MSI2: variants seen among roughly 807,000 people sequenced by gnomAD.
The protein encoded by MSI2 is musashi RNA binding protein 2.
MSI2 carries 17 observed loss-of-function variants against 45.6 expected under a neutral mutation model. The ratio of observed to expected loss-of-function variants is 0.37; its 90% CI spans 0.26 to 0.56. The LOEUF (loss-of-function observed/expected upper bound fraction) is 0.56, where lower values mean the gene tolerates loss of function less well. Ranked by LOEUF, MSI2 falls within the 20% of genes least tolerant of loss-of-function variation. MSI2 has a pLI of 0.77. For synonymous variants in MSI2, 156 were observed against 158.2 expected (o/e 0.99, Z 0.11); for missense variants, 293 against 444.2 (o/e 0.66, Z 3.06).
At chr17:57,570,239 T>G (rs975540955) in intron 7 of MSI2, among the ~76,000 whole-genome samples, 1 of 152,290 alleles carries the variant, frequency 6.6e-6, no homozygotes, top group South Asian at 2.1e-4. Flanking sequence ...AGGCCCCACC[T>G]CAGACCAAGT....
intron 8 of MSI2, chr17:57,608,140 A>C (rs1231383089): frequency 6.6e-6 from 1 of 152,454 alleles, no homozygotes; most frequent in East Asian, 1.9e-4. Flanking sequence ...TGCCAGATTG[A>C]AGGACCAGGG....
intron 7 of MSI2, among the ~76,000 whole-genome samples, chr17:57,551,396 C>G (rs973275303): frequency 3.0e-4 from 45 of 152,216 alleles, no homozygotes; most frequent in African/African-American, 1.1e-3. Context: ...GGATTGCTGC[C>G]GGAGGGAGGG....
At chr17:57,602,421 C>T (rs1240979435) in intron 8 of MSI2, among the ~76,000 whole-genome samples, 1 of 152,132 alleles carries the variant, frequency 6.6e-6, no homozygotes, top group African/African-American at 2.4e-5. Context: ...GGCACGATCT[C>T]GGCTTACCAC....
rs531203809 is a variant in MSI2, at chr17:57,659,156, C to G, written c.790+6995C>G. Among the ~76,000 whole-genome samples, 3 of 152,234 alleles carry G rather than the reference C, an allele frequency of 2.0e-5. No individual in the cohort carries two copies. The East Asian group carries it at 5.8e-4, about 29-fold the overall frequency. On this transcript the variant is annotated intron_variant, in intron 11 of 13. Transcript: ENST00000284073. ...TGAAGTGCAGTCTTGAACTCCTGAG[C>G]TCAAGTGAACCTCTTTCCTCAGCCT...
chr17:57,538,504 T>C (rs906340672), intron 7 of MSI2, among the ~76,000 whole-genome samples: 5 of 152,166 alleles, frequency 3.3e-5, no homozygotes, highest in Non-Finnish European at 5.9e-5. Context: ...TTTACTCCCT[T>C]GTGAAGGTAA....
chr17:57,663,912 GT>G (rs1446086770), intron 11 of MSI2, among the ~76,000 whole-genome samples: 1 of 152,110 alleles, frequency 6.6e-6, no homozygotes, highest in African/African-American at 2.4e-5. Context: ...GGCCTTCGAA[GT>G]TAAAGCAGCT....
At chr17:57,436,824 G>C (rs2084699523) in intron 6 of MSI2, among the ~76,000 whole-genome samples, 1 of 152,150 alleles carries the variant, frequency 6.6e-6, no homozygotes, top group African/African-American at 2.4e-5. Context: ...GGTCAGACAG[G>C]GTTATTCTGC....
chr17:57,341,638 C>G (rs1231180992), intron 5 of MSI2, among the ~76,000 whole-genome samples: 1 of 152,228 alleles, frequency 6.6e-6, no homozygotes, highest in East Asian at 1.9e-4. Context: ...AGTGGTAGCA[C>G]TACGTAAATA....
chr17:57,267,632 T>C (rs1367030550), intron 5 of MSI2: 1 of 151,710 alleles, frequency 6.6e-6, no homozygotes, highest in Non-Finnish European at 1.5e-5. Context: ...ACAGGGGAGA[T>C]GTAGTTCATC....
chr17:57,565,364 G>A (rs1283639569), intron 7 of MSI2, among the ~76,000 whole-genome samples: 1 of 152,178 alleles, frequency 6.6e-6, no homozygotes, highest in Non-Finnish European at 1.5e-5. Context: ...ACCTGATCCT[G>A]CCTGTAGTTT....
rs1333488348 is a variant in MSI2 at position 57,444,816 on chromosome 17, G to A, written c.405+43345G>A. On this transcript the variant is annotated intron_variant, in intron 6 of 13. Coordinates refer to ENST00000284073, the MANE Select transcript of MSI2 (RefSeq NM_138962.4). ...GCCCGGGGTTGGCGGGGGGTGGGGA[G>A]GTGTCCGCTCTGTGGCTATAATTAA... The A allele has an allele frequency of 3.3e-5, 5 of 152,422 alleles. No individual in the cohort carries two copies. In the East Asian group the frequency reaches 9.7e-4, roughly 29 times the overall value. 9.4% of individuals were successfully genotyped at this position (152,422 alleles called of 1,614,324 possible). A position where few individuals can be genotyped will look rare whatever the true frequency, so the allele number is the denominator to read the frequency against.
At chr17:57,287,532 G>T (rs545272777) in intron 5 of MSI2, among the ~76,000 whole-genome samples, 1 of 152,296 alleles carries the variant, frequency 6.6e-6, no homozygotes, top group East Asian at 1.9e-4. Context: ...TTGGTTGGCC[G>T]CTGCTGCTTT....
rs1232653318 is a variant in MSI2, at chr17:57,256,622, CG to C, written c.-114del. The stretch of plus-strand genomic sequence containing the variant: ...GCAGAGAGATTCGGAGGAGCCCGGG[CG>C]GGGGGGAGGAGGAGGGGGAGGAGGG... On this transcript the variant is annotated 5_prime_UTR_variant, in exon 1 of 14. Transcript: ENST00000284073. The C allele has an allele frequency of 9.4e-5, 29 of 307,850 alleles. No homozygotes were observed. Among genetic ancestry groups the C allele is most frequent in the Middle Eastern group, 6.9e-4 (1 of 1,458 alleles). 19.1% of individuals were successfully genotyped at this position (307,850 alleles called of 1,614,324 possible).
At chr17:57,506,312 G>A (rs1325561797) in intron 6 of MSI2, among the ~76,000 whole-genome samples, 2 of 152,208 alleles carry the variant, frequency 1.3e-5, no homozygotes, top group African/African-American at 2.4e-5. Flanking sequence ...AGTGTAAGGC[G>A]GAGTGTCTAA....
the MSI2 span, among the ~76,000 whole-genome samples, chr17:57,696,377 T>G: frequency 6.6e-6 from 1 of 152,214 alleles, no homozygotes; most frequent in Non-Finnish European, 1.5e-5. Context: ...TGAGTACTTA[T>G]TATGTAAAAT....
At chr17:57,505,099 G>GGAA (rs1282953693) in intron 6 of MSI2, among the ~76,000 whole-genome samples, 1 of 152,088 alleles carries the variant, frequency 6.6e-6, no homozygotes, top group African/African-American at 2.4e-5. Context: ...GGAGTCTGGG[G>GGAA]GAAGGTGTGT....
intron 7 of MSI2, among the ~76,000 whole-genome samples, chr17:57,575,314 C>G (rs974207904): frequency 6.6e-5 from 10 of 152,118 alleles, no homozygotes; most frequent in Admixed American, 1.3e-4. Context: ...GCCCTAGATG[C>G]TCAAACGTCC....
intron 5 of MSI2, among the ~76,000 whole-genome samples, chr17:57,347,645 C>G (rs1915716804): frequency 6.6e-6 from 1 of 152,186 alleles, no homozygotes. Context: ...AGCGAGGTCA[C>G]TCCCTGGGAT....
At chr17:57,675,409 C>T (rs577098840) in intron 12 of MSI2, among the ~76,000 whole-genome samples, 13 of 152,226 alleles carry the variant, frequency 8.5e-5, no homozygotes, top group Non-Finnish European at 1.9e-4. Flanking sequence ...ACTTCGATAA[C>T]CCGTCTGAAT....
Sources: gnomAD v4.1 joint callset for allele counts (sites outside exome capture counted in the v4.1 genomes callset) on GRCh38, gnomAD v4.1.1 for gene constraint, MANE v1.5 for transcripts, NCBI Gene and HGNC (gene_info 2026-07-23, HGNC 2026-07-21) for gene names.